The following CNGB1 variants were observed in gnomAD, a reference collection of about 807,000 sequenced individuals.
CNGB1 encodes cyclic nucleotide gated channel subunit beta 1.
A neutral mutation model predicts 151.7 loss-of-function variants in CNGB1; 126 were observed. The ratio of observed to expected loss-of-function variants is 0.83; its 90% CI spans 0.72 to 0.96. The LOEUF (loss-of-function observed/expected upper bound fraction) is 0.96. Ranked by LOEUF, CNGB1 falls within the 40% of genes least tolerant of loss-of-function variation. The pLI, the probability that CNGB1 is intolerant of heterozygous loss-of-function variation, is 0.00. For synonymous variants in CNGB1, 623 were observed against 635.1 expected (o/e 0.98, Z 0.29); for missense variants, 1,698 against 1,627.0 (o/e 1.04, Z -0.75).
Position 57,949,423 on chromosome 16 carries a change from C to T in CNGB1, c.1051G>A (p.Glu351Lys). ...TCCTCCTCATCTTCTTTCTCCTCTT[C>T]AATCCGGGACAGCTCTCTGAGTTGG... is the stretch of plus-strand genomic sequence containing the variant. ...EKMPRELSRI[E>K]EEKEDEEEEE... The change falls in exon 14 of 33, where the codon GAA becomes AAA. Residue 351 changes from glutamate to lysine, a missense_variant. Transcript: ENST00000251102. The T allele has an allele frequency of 1.2e-6, 2 of 1,613,786 alleles. No individual in the cohort carries two copies. Among genetic ancestry groups the T allele is most frequent in the Non-Finnish European group, 1.7e-6 (2 of 1,180,026 alleles).
At chr16:57,896,757 T>TA (rs1398310956) in intron 31 of CNGB1, among the ~76,000 whole-genome samples, 1 of 144,964 alleles carries the variant, frequency 6.9e-6, no homozygotes, top group Non-Finnish European at 1.5e-5. Context: ...AATAAATAAA[T>TA]AAATAAAATA....
chr16:57,889,896 T>C (rs1229979388), intron 31 of CNGB1, among the ~76,000 whole-genome samples: 1 of 152,146 alleles, frequency 6.6e-6, no homozygotes, highest in African/African-American at 2.4e-5. Flanking sequence ...GGGCTGAGAT[T>C]ATTGTGCCTC....
chr16:57,964,601 A>C (rs1962345010), intron 2 of CNGB1, 57 bp from the exon 3 acceptor site: 26 of 1,474,432 alleles, frequency 1.8e-5, no homozygotes, highest in Non-Finnish European at 2.1e-5. Context: ...TGGTTTGGAC[A>C]GGGGCAGCCT....
chr16:57,935,602 G>A (rs2149374137), intron 16 of CNGB1, among the ~76,000 whole-genome samples: 1 of 151,910 alleles, frequency 6.6e-6, no homozygotes, highest in African/African-American at 2.4e-5. Flanking sequence ...GAGCCGAGAT[G>A]GTGCCACAAC....
At position 57,904,784 on chromosome 16, in the gene CNGB1, G is replaced by A; in HGVS notation, c.2584C>T (p.Leu862=). 6.2e-7 allele frequency: 1 copy of A among 1,614,216 alleles called. No homozygotes were observed. The highest frequency in any genetic ancestry group is 8.5e-7 in the Non-Finnish European group (1 of 1,180,052). ...PKTLFEIVFQ[L]LNYFTGVFAF... is the part of the protein sequence containing the mutation. The stretch of plus-strand genomic sequence containing the variant: ...AAGACGCCCGTGAAATAATTCAGCA[G>A]CTGGAAGACAATTTCAAAGAGTGTC... The change falls in exon 26 of 33, where the codon CTG becomes TTG. Residue 862 remains leucine, a synonymous_variant. Coordinates refer to ENST00000251102, the MANE Select transcript of CNGB1 (RefSeq NM_001297.5).
intron 14 of CNGB1, among the ~76,000 whole-genome samples, chr16:57,943,454 G>A (rs1412385384): frequency 6.6e-6 from 1 of 152,154 alleles, no homozygotes; most frequent in Non-Finnish European, 1.5e-5. Context: ...GGTGGATCAT[G>A]AGGTCAGGAG....
rs1185304073 is a variant in CNGB1 at position 57,903,734 on chromosome 16, G to C, written c.2794+88C>G. The C allele has an allele frequency of 2.0e-6, 3 of 1,479,666 alleles. No individual in the cohort carries two copies. The Admixed American group carries it at 5.2e-5, about 26-fold the overall frequency. 91.7% of individuals were successfully genotyped at this position (1,479,666 alleles called of 1,614,324 possible). Reference sequence around the variant, plus strand: ...TCGGGACCTCAGAGACACAGAGGACGAGGGAGGCGCCCCGAAGGCATGGCA... The same window carrying C: ...TCGGGACCTCAGAGACACAGAGGACCAGGGAGGCGCCCCGAAGGCATGGCA... On this transcript the variant is annotated intron_variant, in intron 27 of 32. Coordinates refer to ENST00000251102, the MANE Select transcript of CNGB1 (RefSeq NM_001297.5).
At chr16:57,951,378 G>GTCT (rs1194518820) in intron 12 of CNGB1, among the ~76,000 whole-genome samples, 43 of 152,204 alleles carry the variant, frequency 2.8e-4, no homozygotes, top group Admixed American at 2.6e-3. Flanking sequence ...TTGAGACAGG[G>GTCT]TCTTGCTCTA....
intron 25 of CNGB1, among the ~76,000 whole-genome samples, chr16:57,906,534 G>A (rs2149359879): frequency 6.6e-6 from 1 of 152,286 alleles, no homozygotes; most frequent in South Asian, 2.1e-4. Flanking sequence ...GGGCAGGGCT[G>A]TGGGCCGCCC....
chr16:57,944,193 T>C (rs1475565284), intron 14 of CNGB1, among the ~76,000 whole-genome samples: 1 of 152,214 alleles, frequency 6.6e-6, no homozygotes, highest in Non-Finnish European at 1.5e-5. Context: ...GTCCTATATA[T>C]ACACAATAGA....
chr16:57,923,353 C>G lies in CNGB1; in HGVS notation c.1563G>C (p.Glu521Asp). The change falls in exon 18 of 33, where the codon GAG becomes GAC. Residue 521 changes from glutamate (E) to aspartate (D), a missense_variant. Transcript: ENST00000251102. ...HRKKLPSEDDEAEELKALSPA... is the reference protein window; with the variant it reads ...HRKKLPSEDDDAEELKALSPA... ...GTGACAACGCCTTGAGCTCTTCAGC[C>G]TCATCATCCTCAGAGGGCAGCTTCT... 7 of 1,613,510 alleles carry G rather than the reference C, an allele frequency of 4.3e-6. No individual in the cohort carries two copies. Among genetic ancestry groups the G allele is most frequent in the Non-Finnish European group, 5.9e-6 (7 of 1,179,838 alleles).
At chr16:57,916,783 G>A (rs1960877841) in intron 21 of CNGB1, among the ~76,000 whole-genome samples, 1 of 152,158 alleles carries the variant, frequency 6.6e-6, no homozygotes, top group Admixed American at 6.5e-5. Flanking sequence ...GCCCAAGTAG[G>A]AGAGCATCAG....
rs1445887025 is a variant in CNGB1, at chr16:57,962,564, C to T, written c.458+1G>A. On this transcript the variant is annotated splice_donor_variant, in intron 7 of 32. Coordinates refer to ENST00000251102, the MANE Select transcript of CNGB1 (RefSeq NM_001297.5). LOFTEE classifies it high-confidence loss of function. ...AGTGACACTCAGGGATAGGGACTCACCTAGTGTCTTGGGCCTCAAGGGCCT... is the reference window on the plus strand; with the variant it reads ...AGTGACACTCAGGGATAGGGACTCATCTAGTGTCTTGGGCCTCAAGGGCCT... The T allele has an allele frequency of 2.5e-6, 4 of 1,613,636 alleles. No individual in the cohort carries two copies. In the African/African-American group the frequency reaches 4.0e-5, roughly 16 times the overall value.
intron 15 of CNGB1, 120 bp downstream of exon 15, chr16:57,940,114 C>G: frequency 2.0e-6 from 2 of 982,640 alleles, no homozygotes; most frequent in South Asian, 2.8e-5. Flanking sequence ...CCTGCTCCCT[C>G]TGTCCTGCGG....
chr16:57,926,837 G>A (rs565608958), intron 17 of CNGB1, among the ~76,000 whole-genome samples: 5 of 152,238 alleles, frequency 3.3e-5, no homozygotes, highest in South Asian at 2.1e-4. Flanking sequence ...AAAATTAGCC[G>A]GGTATGGTGG....
intron 12 of CNGB1, among the ~76,000 whole-genome samples, chr16:57,952,457 G>A (rs1961974073): frequency 7.2e-6 from 1 of 138,738 alleles, no homozygotes; most frequent in African/African-American, 2.7e-5. Flanking sequence ...TTCTTTTTAG[G>A]TCCTATTTAG....
chr16:57,914,181 C>G (rs537984332), intron 23 of CNGB1, among the ~76,000 whole-genome samples: 54 of 152,336 alleles, frequency 3.5e-4, no homozygotes, highest in African/African-American at 1.3e-3. Context: ...GTTTTGCCCC[C>G]TCACTGGGGC....
chr16:57,943,875 C>A (rs1332579243), intron 14 of CNGB1, among the ~76,000 whole-genome samples: 1 of 152,026 alleles, frequency 6.6e-6, no homozygotes, highest in Admixed American at 6.6e-5. Flanking sequence ...GTCTGCACTC[C>A]CATCATTGCA....
intron 2 of CNGB1, 86 bp downstream of exon 2, chr16:57,967,042 G>T (rs952933965): frequency 1.0e-5 from 16 of 1,590,220 alleles, no homozygotes; most frequent in Non-Finnish European, 1.4e-5. Flanking sequence ...TTCTGCTGTA[G>T]AAAGTCCCTG....
Sources: gnomAD v4.1 joint callset for allele counts (sites outside exome capture counted in the v4.1 genomes callset) on GRCh38, gnomAD v4.1.1 for gene constraint, MANE v1.5 for transcripts, NCBI Gene and HGNC (gene_info 2026-07-23, HGNC 2026-07-21) for gene names.